Variants in RP1 observed in about 807,000 individuals in gnomAD.
RP1 encodes RP1 axonemal microtubule associated, also known as oxygen-regulated protein 1.
In RP1, 16 loss-of-function variants were observed where a neutral mutation model predicts 14.8. The observed-to-expected ratio is 1.08, with a 90% CI of 0.73 to 1.65. The LOEUF (loss-of-function observed/expected upper bound fraction) is 1.65. RP1 is among the 40% of genes most tolerant of loss of function. The probability of loss-of-function intolerance (pLI) is 0.00; values close to 1 mark genes in which losing one functional copy is unlikely to be tolerated. For synonymous variants in RP1, 876 were observed against 883.6 expected (o/e 0.99, Z 0.15); for missense variants, 2,631 against 2,535.0 (o/e 1.04, Z -0.81).
chr8:54,778,124 AG>A (rs1810087071), intron 23 of RP1, among the ~76,000 whole-genome samples: 1 of 152,140 alleles, frequency 6.6e-6, no homozygotes, highest in Non-Finnish European at 1.5e-5. Context: ...GTGTTGTATT[AG>A]GCACTGAGAA....
chr8:54,693,863 G>C (rs1296806153), intron 12 of RP1, among the ~76,000 whole-genome samples: 2 of 152,106 alleles, frequency 1.3e-5, no homozygotes, highest in Non-Finnish European at 2.9e-5. Context: ...ATGTTGAATA[G>C]GAGTGGTGAG....
rs1395396475 is a variant in RP1, at chr8:54,627,024, G to A, written c.3142G>A (p.Glu1048Lys). Reference protein sequence around the residue: ...SHIAAEKSGPEKKLVYQEINL... With the variant: ...SHIAAEKSGPKKKLVYQEINL... ...TATAGCTGCTGAAAAATCAGGACCA[G>A]AGAAAAAACTTGTTTACCAGGAAAT... is the stretch of plus-strand genomic sequence containing the variant. The change falls in exon 4 of 4, where the codon GAG becomes AAG. Residue 1048 changes from glutamate (E) to lysine (K), a missense_variant. By Grantham distance (56) the Glu-to-Lys change is moderately conservative (BLOSUM62 1). Coordinates refer to ENST00000220676, the MANE Select transcript of RP1 (RefSeq NM_006269.2). 1.2e-6 allele frequency: 2 copies of A among 1,613,812 alleles called. No homozygotes were observed. Among genetic ancestry groups the A allele is most frequent in the African/African-American group, 2.7e-5 (2 of 74,886 alleles).
intron 24 of RP1, among the ~76,000 whole-genome samples, chr8:54,812,901 C>T (rs1483971986): frequency 1.3e-5 from 2 of 152,180 alleles, no homozygotes; most frequent in East Asian, 3.8e-4. Context: ...CAGCAGCTCG[C>T]TGCTATAGTT....
chr8:54,754,707 A>G (rs1809456621), intron 19 of RP1: 2 of 1,246,998 alleles, frequency 1.6e-6, no homozygotes, highest in South Asian at 1.9e-5. Context: ...CAGAGTATGC[A>G]GTACACTTTT....
intron 12 of RP1, among the ~76,000 whole-genome samples, chr8:54,687,970 T>C (rs1020800619): frequency 6.6e-6 from 1 of 152,138 alleles, no homozygotes; most frequent in African/African-American, 2.4e-5. Context: ...CCCTCCAGCA[T>C]CTGTTGTTTC....
At chr8:54,672,194 G>A (rs1183706054) in intron 7 of RP1, among the ~76,000 whole-genome samples, 2 of 152,184 alleles carry the variant, frequency 1.3e-5, no homozygotes, top group Non-Finnish European at 2.9e-5. Flanking sequence ...GCTGGCCTCT[G>A]TCTTTTAGCC....
chr8:54,757,251 A>G (rs897410532), intron 21 of RP1, among the ~76,000 whole-genome samples: 8 of 152,206 alleles, frequency 5.3e-5, no homozygotes, highest in Non-Finnish European at 1.2e-4. Flanking sequence ...CATTTTCTCT[A>G]CAAGGTGTCC....
intron 1 of RP1, among the ~76,000 whole-genome samples, chr8:54,619,588 GA>G (rs748224164): frequency 2.0e-4 from 30 of 152,200 alleles, no homozygotes; most frequent in South Asian, 4.1e-4. Context: ...CTGAGAAGTG[GA>G]AAAGGAAAAC....
downstream of RP1, among the ~76,000 whole-genome samples, chr8:54,770,968 T>C (rs574783247): frequency 6.6e-5 from 10 of 152,114 alleles, no homozygotes; most frequent in South Asian, 2.1e-3. Flanking sequence ...CACATCTCTA[T>C]GTTTTCAAAA....
At chr8:54,642,994 TCTC>T (rs1387416934) in intron 3 of RP1, among the ~76,000 whole-genome samples, 1 of 152,082 alleles carries the variant, frequency 6.6e-6, no homozygotes, top group Non-Finnish European at 1.5e-5. Context: ...TCACTTGTGT[TCTC>T]TTTTTTTTTA....
At chr8:54,697,150 A>G (rs949644906) in intron 12 of RP1, 4 of 930,510 alleles carry the variant, frequency 4.3e-6, no homozygotes, top group Non-Finnish European at 6.8e-6. Flanking sequence ...ACAGCACTAC[A>G]TTTTTATCAA....
exon 29 of RP1, chr8:54,869,889 C>T (rs888633155): frequency 4.1e-6 from 5 of 1,231,870 alleles, no homozygotes; most frequent in South Asian, 4.1e-5. Context: ...GCGGGAATTG[C>T]TCGCAGAAAG....
In RP1 at chr8:54,628,352, T is replaced by C. The variant is rs148265450; in HGVS notation, c.4470T>C (p.Thr1490=). 19 of 1,613,782 alleles carry C rather than the reference T, an allele frequency of 1.2e-5. No homozygotes were observed. In the African/African-American group the frequency reaches 2.5e-4, roughly 22 times the overall value. The change falls in exon 4 of 4, where the codon ACT becomes ACC. Residue 1490 remains threonine (T), a synonymous_variant. Transcript: ENST00000220676. ...NTVVNGGEQA[T]EELIQEEVEA... is the part of the protein sequence containing the mutation. ...TGGTAAATGGAGGAGAGCAAGCCACTGAAGAATTAATCCAAGAAGAGGTAG... is the reference window on the plus strand; with the variant it reads ...TGGTAAATGGAGGAGAGCAAGCCACCGAAGAATTAATCCAAGAAGAGGTAG...
intron 24 of RP1, among the ~76,000 whole-genome samples, chr8:54,815,632 C>T (rs1160866335): frequency 6.6e-6 from 1 of 152,136 alleles, no homozygotes; most frequent in African/African-American, 2.4e-5. Context: ...TGGATAGCAT[C>T]AGAAGCTTCT....
intron 5 of RP1, chr8:54,655,956 A>G: frequency 1.7e-6 from 1 of 602,750 alleles, no homozygotes; most frequent in Non-Finnish European, 2.6e-6. Context: ...TAGCACTGTC[A>G]AATTATCAAC....
chr8:54,654,271 T>C (rs978490195), intron 5 of RP1, among the ~76,000 whole-genome samples: 2 of 152,220 alleles, frequency 1.3e-5, no homozygotes, highest in African/African-American at 4.8e-5. Flanking sequence ...TCAACTTGTA[T>C]GGGGATTTGA....
chr8:54,606,347 CT>C (rs1805441931), intron 1 of RP1, among the ~76,000 whole-genome samples: 1 of 151,928 alleles, frequency 6.6e-6, no homozygotes, highest in African/African-American at 2.4e-5. Flanking sequence ...AAATTCTTTT[CT>C]TTAAGAATGT....
At chr8:54,644,800 T>G (rs1033252527) in intron 3 of RP1, among the ~76,000 whole-genome samples, 6 of 152,088 alleles carry the variant, frequency 3.9e-5, no homozygotes, top group Non-Finnish European at 7.4e-5. Context: ...GAAATCAGAG[T>G]CAGCAGAATT....
chr8:54,699,339 T>G (rs1333350924), intron 12 of RP1: 2 of 410,228 alleles, frequency 4.9e-6, no homozygotes, highest in East Asian at 7.1e-5. Context: ...GGAGATGCAT[T>G]TTACCTTTAA....
Sources: allele counts gnomAD v4.1 joint callset (sites outside exome capture counted in the v4.1 genomes callset), GRCh38; gene constraint gnomAD v4.1.1; transcripts MANE v1.5; gene names NCBI Gene and HGNC (gene_info 2026-07-23, HGNC 2026-07-21).